Variants in DIP2C observed in about 807,000 individuals in gnomAD.
The protein encoded by DIP2C is DIP2 acetate--CoA ligase C (putative), also known as disco-interacting protein 2 homolog C.
A neutral mutation model predicts 192.4 loss-of-function variants in DIP2C; 33 were observed. That is an observed-to-expected ratio of 0.17 (90% CI 0.13 to 0.23). The LOEUF (loss-of-function observed/expected upper bound fraction) is 0.23, where lower values mean the gene tolerates loss of function less well. DIP2C is among the 10% of genes least tolerant of loss of function. The pLI, the probability that DIP2C is intolerant of heterozygous loss-of-function variation, is 1.00. For synonymous variants in DIP2C, 979 were observed against 864.1 expected, an observed-to-expected ratio of 1.13 and a Z score of -2.33; for missense variants, 1,537 against 2,110.1, an observed-to-expected ratio of 0.73 and a Z score of 5.32.
At chr10:583,196 C>T (rs746543098) in intron 1 of DIP2C, among the ~76,000 whole-genome samples, 16 of 152,208 alleles carry the variant, frequency 1.1e-4, no homozygotes, top group Non-Finnish European at 2.2e-4. Context: ...CGTTGTACTC[C>T]AAGTGCATCT....
intron 1 of DIP2C, among the ~76,000 whole-genome samples, chr10:615,812 C>G (rs1432843769): frequency 6.6e-6 from 1 of 152,156 alleles, no homozygotes; most frequent in Admixed American, 6.5e-5. Context: ...CTCCTCCAAA[C>G]AGACATTGCG....
intron 1 of DIP2C, among the ~76,000 whole-genome samples, chr10:659,015 GCACA>G (rs1194823147): frequency 5.9e-5 from 9 of 151,640 alleles, no homozygotes; most frequent in East Asian, 1.9e-4. Flanking sequence ...ATTCACACAT[GCACA>G]CACATTCACA....
At chr10:279,115 C>T (rs1197828448) in intron 36 of DIP2C, among the ~76,000 whole-genome samples, 1 of 152,180 alleles carries the variant, frequency 6.6e-6, no homozygotes, top group Non-Finnish European at 1.5e-5. Context: ...AAATTCTCAA[C>T]AGTTCTCCTG....
chr10:650,162 C>T, intron 1 of DIP2C: 1 of 717,446 alleles, frequency 1.4e-6, no homozygotes. Flanking sequence ...AAGACCCCAG[C>T]AGAGTCAACA....
At chr10:396,890 A>G (rs1410656294) in intron 10 of DIP2C, among the ~76,000 whole-genome samples, 1 of 151,794 alleles carries the variant, frequency 6.6e-6, no homozygotes, top group Non-Finnish European at 1.5e-5. Context: ...CATAGCAGCT[A>G]CCACAGACTC....
chr10:291,519 G>A (rs1375587189), intron 32 of DIP2C, among the ~76,000 whole-genome samples: 1 of 152,206 alleles, frequency 6.6e-6, no homozygotes, highest in Non-Finnish European at 1.5e-5. Flanking sequence ...TCTTCCTAAA[G>A]AACTAGGAGA....
intron 17 of DIP2C, among the ~76,000 whole-genome samples, chr10:379,013 ATTC>A (rs200008833): frequency 0.012 from 1,893 of 152,322 alleles, 25 homozygotes; most frequent in African/African-American, 0.034. Context: ...AGTGCTGGTC[ATTC>A]TTTTTTGGAG....
At chr10:678,575 GTCCTCCCTGCAGCCA>G (rs1564334942) in intron 1 of DIP2C, among the ~76,000 whole-genome samples, 51 of 118,284 alleles carry the variant, frequency 4.3e-4, no homozygotes, top group African/African-American at 1.6e-3. Flanking sequence ...CCCCACGCCC[GTCCTCCCTGCAGCCA>G]TGCTCCCCAC....
chr10:404,876 A>T (rs1158112026), intron 9 of DIP2C, among the ~76,000 whole-genome samples: 1 of 152,234 alleles, frequency 6.6e-6, no homozygotes, highest in Non-Finnish European at 1.5e-5. Flanking sequence ...TACACTAGGC[A>T]TGAGTGTCAT....
chr10:426,245 G>A (rs1028715836), intron 4 of DIP2C, among the ~76,000 whole-genome samples: 3 of 152,082 alleles, frequency 2.0e-5, no homozygotes, highest in African/African-American at 4.8e-5. Flanking sequence ...TCCATTCACA[G>A]TAACATCAAA....
chr10:548,442 TGGAGGGAGGGAG>T (rs59188084), intron 1 of DIP2C, among the ~76,000 whole-genome samples: 8 of 58,118 alleles, frequency 1.4e-4, no homozygotes, highest in South Asian at 7.3e-4. Context: ...GCCACCGGGA[TGGAGGGAGGGAG>T]GGAGGGAGGG....
At chr10:687,793 C>T (rs979167967) in intron 1 of DIP2C, among the ~76,000 whole-genome samples, 4 of 152,232 alleles carry the variant, frequency 2.6e-5, no homozygotes, top group Non-Finnish European at 4.4e-5. Flanking sequence ...TTCCCATAGA[C>T]ATCCCAGACT....
At chr10:540,827 C>A (rs1847941185) in intron 1 of DIP2C, among the ~76,000 whole-genome samples, 1 of 152,142 alleles carries the variant, frequency 6.6e-6, no homozygotes, top group Non-Finnish European at 1.5e-5. Flanking sequence ...AGACTAATAC[C>A]CTGTCATCTC....
chr10:529,742 A>C (rs972209186), intron 1 of DIP2C, among the ~76,000 whole-genome samples: 1 of 152,172 alleles, frequency 6.6e-6, no homozygotes, highest in African/African-American at 2.4e-5. Context: ...TGTTGCAGTT[A>C]CTTTGATAAA....
intron 31 of DIP2C, among the ~76,000 whole-genome samples, chr10:323,912 C>CT (rs909836161): frequency 6.6e-6 from 1 of 152,174 alleles, no homozygotes; most frequent in African/African-American, 2.4e-5. Flanking sequence ...CTTCTCCACT[C>CT]TGCTTGTTTC....
intron 1 of DIP2C, among the ~76,000 whole-genome samples, chr10:633,416 G>A (rs966514041): frequency 7.2e-5 from 11 of 152,226 alleles, no homozygotes; most frequent in African/African-American, 2.4e-4. Flanking sequence ...CGGGGAGTCC[G>A]AGGCGGTGCT....
intron 1 of DIP2C, among the ~76,000 whole-genome samples, chr10:568,799 C>CA (rs922604069): frequency 5.1e-5 from 5 of 98,828 alleles, no homozygotes; most frequent in Admixed American, 1.2e-4. Context: ...AAAAAAAAAA[C>CA]CTTCACTTGA....
At position 321,695 on chromosome 10, in the gene DIP2C, A is replaced by G. The variant is rs11492937; in HGVS notation, c.3924+5311T>C. On this transcript the variant is annotated intron_variant, in intron 31 of 36. Coordinates refer to ENST00000280886, the MANE Select transcript of DIP2C (RefSeq NM_014974.3). ...CGGGGGTGCGGGGCTCCGGCGAGAG[A>G]CCGGCGCTGTTAGAACAGTCAGTCG... Among the ~76,000 whole-genome samples the G allele has an allele frequency of 4.3e-3, 8 of 1,864 alleles. 3 individuals are homozygous for G. Among genetic ancestry groups the G allele is most frequent in the African/African-American group, 0.016 (5 of 322 alleles). The allele number at this position is 1,864 out of a possible 152,430, so 1.2% of individuals were successfully genotyped here.
chr10:378,714 CAG>C (rs1162803011), intron 17 of DIP2C, among the ~76,000 whole-genome samples: 7 of 150,872 alleles, frequency 4.6e-5, no homozygotes, highest in South Asian at 2.1e-4. Context: ...CAGATATGCA[CAG>C]ACACGTGAAC....
Sources: gnomAD v4.1 joint callset for allele counts (sites outside exome capture counted in the v4.1 genomes callset) on GRCh38, gnomAD v4.1.1 for gene constraint, MANE v1.5 for transcripts, NCBI Gene and HGNC (gene_info 2026-07-23, HGNC 2026-07-21) for gene names.